Variants in MADD observed in about 807,000 individuals in gnomAD.
MADD encodes MAP kinase activating death domain, also known as MAP kinase-activating death domain protein.
In MADD, 109 loss-of-function variants were observed where a neutral mutation model predicts 176.7. That is an observed-to-expected ratio of 0.62 (90% confidence interval 0.53 to 0.72). The LOEUF is 0.72. Among genes scored for constraint, MADD ranks in the 30% least tolerant of loss-of-function variants. The pLI is 0.00. For synonymous variants in MADD, 771 were observed against 771.3 expected (o/e 1.00, Z 0.01); for missense variants, 1,914 against 2,045.5 (o/e 0.94, Z 1.24).
At chr11:47,313,663 A>G in intron 26 of MADD, among the ~76,000 whole-genome samples, 1 of 152,094 alleles carries the variant, frequency 6.6e-6, no homozygotes, top group East Asian at 1.9e-4. Flanking sequence ...TCAAGTATGG[A>G]TAAAAGATCT....
At chr11:47,327,609 C>G in intron 31 of MADD, 1 of 985,338 alleles carries the variant, frequency 1.0e-6, no homozygotes, top group Non-Finnish European at 1.2e-6. Context: ...CACCGGCTCA[C>G]TGGACTTTCC....
intron 6 of MADD, among the ~76,000 whole-genome samples, chr11:47,278,516 C>G (rs1486753698): frequency 6.6e-6 from 1 of 152,084 alleles, no homozygotes; most frequent in African/African-American, 2.4e-5. Context: ...TAAGTGACCC[C>G]CCACCATATC....
chr11:47,327,643 T>C, intron 31 of MADD: 1 of 985,292 alleles, frequency 1.0e-6, no homozygotes, highest in Non-Finnish European at 1.2e-6. Context: ...CCTTCTCTCT[T>C]CTGTCAGAGA....
Position 47,274,994 on chromosome 11 carries a change from C to T in MADD, c.494C>T (p.Ala165Val), listed in dbSNP as rs138776960. The T allele has an allele frequency of 2.1e-4, 338 of 1,613,948 alleles. No individual in the cohort carries two copies. The highest frequency in any genetic ancestry group is 4.9e-4 in the East Asian group (22 of 44,880). Residue 165 changes from alanine (A) to valine (V), a missense_variant, in exon 3 of 33, where the codon GCG becomes GTG. This residue lies in a region of MADD where 1,767 missense variants were observed against 1,836.0 expected (regional missense o/e 0.96). Coordinates refer to ENST00000402192, the Ensembl canonical transcript of MADD. The stretch of plus-strand genomic sequence containing the variant: ...CCTCGGGGCAAACGCCGGGCCAAGG[C>T]GGGGAGCCGCTCCCGCAACAGTACT...
intron 26 of MADD, 66 bp from the exon 30 acceptor site, chr11:47,315,154 A>G: frequency 2.2e-6 from 2 of 895,330 alleles, no homozygotes; most frequent in Non-Finnish European, 3.7e-6. Flanking sequence ...CTGGATGGGG[A>G]ATTCTTGGCC....
rs1484879402 is a variant in MADD, at chr11:47,309,496, C to G, written c.3873-11C>G. 6.2e-7 allele frequency: 1 copy of G among 1,613,740 alleles called. No individual in the cohort carries two copies. Among genetic ancestry groups the G allele is most frequent in the Admixed American group, 1.7e-5 (1 of 60,002 alleles). ...ACTTGAGGGCTGACTTGTGCTTGGT[C>G]TTCTCCTTAGGTACCTGTCCCTTGG... is the stretch of plus-strand genomic sequence containing the variant. On this transcript the variant is annotated splice_polypyrimidine_tract_variant and intron_variant, in intron 24 of 32. Transcript: ENST00000402192.
chr11:47,312,943 C>T (rs957297139), intron 26 of MADD, among the ~76,000 whole-genome samples: 5 of 152,166 alleles, frequency 3.3e-5, no homozygotes, highest in African/African-American at 1.2e-4. Context: ...GATTTGTTCA[C>T]CTTGAGTTGC....
chr11:47,285,742 C>T (rs1241067259), intron 14 of MADD, 152 bp downstream of exon 14: 9 of 1,035,630 alleles, frequency 8.7e-6, no homozygotes, highest in Non-Finnish European at 1.1e-5. Context: ...CTGAATAAGG[C>T]GTTTTCAAGT....
intron 16 of MADD, 30 bp from the exon 18 acceptor site, chr11:47,289,837 G>T: frequency 6.2e-7 from 1 of 1,609,976 alleles, no homozygotes; most frequent in South Asian, 1.1e-5. Context: ...AGGAGCTGAT[G>T]ACCACAGAAG....
At chr11:47,326,879 G>A in intron 31 of MADD, 72 bp downstream of exon 35, 6 of 1,596,962 alleles carry the variant, frequency 3.8e-6, no homozygotes, top group Non-Finnish European at 8.5e-7. Flanking sequence ...TCCAGAGGAG[G>A]GTCTAGGGGC....
chr11:47,300,364 G>A (rs1420499489), intron 22 of MADD, among the ~76,000 whole-genome samples: 4 of 151,516 alleles, frequency 2.6e-5, no homozygotes, highest in Non-Finnish European at 4.4e-5. Flanking sequence ...CCACGACCAC[G>A]CCTGGCTAAT....
At chr11:47,290,432 T>A in intron 18 of MADD, 133 bp downstream of exon 19, 2 of 1,329,546 alleles carry the variant, frequency 1.5e-6, no homozygotes, top group Non-Finnish European at 2.0e-6. Context: ...GGATTTTATT[T>A]TCTAATGCAT....
rs373321418 is a variant in MADD at position 47,275,997 on chromosome 11, G to A, written c.758G>A (p.Arg253Gln). 8 of 1,614,030 alleles carry A rather than the reference G, an allele frequency of 5.0e-6. No individual in the cohort carries two copies. Among genetic ancestry groups the A allele is most frequent in the African/African-American group, 2.7e-5 (2 of 74,908 alleles). The change falls in exon 4 of 33, where the codon CGA (arginine) becomes CAA (glutamine). Residue 253 changes from arginine (R) to glutamine (Q), a missense_variant. Physicochemically the swap from Arg to Gln is conservative, Grantham distance 43. Coordinates refer to ENST00000402192, the Ensembl canonical transcript of MADD. ...CGAGAGATTGAGGCCTGGATCTATC[G>A]ATTGCTGCGCTCCCCAGTACCCGTC...
chr11:47,308,490 G>A (rs2084974812), intron 22 of MADD, 101 bp from the exon 25 acceptor site: 3 of 739,914 alleles, frequency 4.1e-6, no homozygotes, highest in African/African-American at 3.5e-5. Flanking sequence ...TGTTGCTAAT[G>A]GATGGTGACT....
chr11:47,304,464 C>T (rs1283433822), intron 22 of MADD, among the ~76,000 whole-genome samples: 1 of 152,142 alleles, frequency 6.6e-6, no homozygotes, highest in Non-Finnish European at 1.5e-5. Context: ...CTCCCAACCT[C>T]AGGCGATCCA....
chr11:47,323,162 C>T (rs2094799116), intron 27 of MADD, among the ~76,000 whole-genome samples: 1 of 151,322 alleles, frequency 6.6e-6, no homozygotes, highest in South Asian at 2.1e-4. Context: ...CATTTTAACC[C>T]ACAAGGCAGA....
At chr11:47,314,617 G>A (rs1357193177) in intron 26 of MADD, among the ~76,000 whole-genome samples, 1 of 152,068 alleles carries the variant, frequency 6.6e-6, no homozygotes, top group Non-Finnish European at 1.5e-5. Flanking sequence ...TAAAAAAAAA[G>A]AAGCTTCTGC....
At chr11:47,313,106 G>A (rs928442597) in intron 26 of MADD, among the ~76,000 whole-genome samples, 1 of 152,194 alleles carries the variant, frequency 6.6e-6, no homozygotes, top group African/African-American at 2.4e-5. Flanking sequence ...GACAGTATTT[G>A]TTGCCAATGA....
chr11:47,289,873 C>G (rs757223881), exon 17 of MADD: 59 of 1,613,346 alleles, frequency 3.7e-5, no homozygotes, highest in Non-Finnish European at 4.8e-5. Context: ...GTAGTGAGAA[C>G]CAGCAGTTCC....
Sources: allele counts gnomAD v4.1 joint callset (sites outside exome capture counted in the v4.1 genomes callset), GRCh38; gene constraint gnomAD v4.1.1; regional missense constraint gnomAD v4.1.1; transcripts MANE v1.5; gene names NCBI Gene and HGNC (gene_info 2026-07-23, HGNC 2026-07-21).